The following SACM1L variants were observed in gnomAD, a reference collection of about 807,000 sequenced individuals.
SACM1L encodes phosphatidylinositol-3-phosphatase SAC1.
Under a neutral mutation model 89.5 loss-of-function variants are expected in SACM1L, and 32 were observed. The ratio of observed to expected loss-of-function variants is 0.36; its 90% CI spans 0.27 to 0.48. The LOEUF is 0.48. Among genes scored for constraint, SACM1L ranks in the 20% least tolerant of loss-of-function variants. The pLI is 0.99. For synonymous variants in SACM1L, 213 were observed against 232.8 expected (o/e 0.92, Z 0.77); for missense variants, 543 against 708.5 (o/e 0.77, Z 2.65).
intron 18 of SACM1L, among the ~76,000 whole-genome samples, 186 bp from the exon 19 acceptor site, chr3:45,739,401 C>G (rs1295778940): frequency 1.3e-5 from 2 of 152,146 alleles, no homozygotes; most frequent in Non-Finnish European, 2.9e-5. Flanking sequence ...ACCACATCCC[C>G]CATCTAAAGT....
intron 7 of SACM1L, among the ~76,000 whole-genome samples, chr3:45,718,280 A>G (rs1168175478): frequency 2.4e-5 from 3 of 126,622 alleles, no homozygotes; most frequent in Non-Finnish European, 3.3e-5. Flanking sequence ...CATACAGATT[A>G]ATTCCTGTTA....
rs181178403 is a variant in SACM1L at position 45,744,701 on chromosome 3, G to A, written c.*1032G>A. The A allele has an allele frequency of 6.5e-6, 1 of 152,686 alleles. No individual in the cohort carries two copies. Among genetic ancestry groups the A allele is most frequent in the Non-Finnish European group, 1.5e-5 (1 of 68,024 alleles). 9.5% of individuals were successfully genotyped at this position (152,686 alleles called of 1,614,324 possible). A position where few individuals can be genotyped will look rare whatever the true frequency, so the allele number is the denominator to read the frequency against. ...CTCCAAATCAAGGACCAACTTAAACGTTAATTTTTGTGCAAAAACAAACCT... is the reference window on the plus strand; with the variant it reads ...CTCCAAATCAAGGACCAACTTAAACATTAATTTTTGTGCAAAAACAAACCT... On this transcript the variant is annotated 3_prime_UTR_variant, in exon 20 of 20. Transcript: ENST00000389061.
Position 45,698,461 on chromosome 3 carries a change from C to G in SACM1L, c.33-4977C>G, listed in dbSNP as rs571322909. Among the ~76,000 whole-genome samples the G allele has an allele frequency of 2.4e-4, 36 of 152,330 alleles. 1 individual carries two copies. Among genetic ancestry groups the G allele is most frequent in the Middle Eastern group, 6.8e-3 (2 of 294 alleles). ...CAATTTAGATTCCAACAGCATCTCTCAGAGAGAGAAGATCAAGCAAAGGCC... is the reference window on the plus strand; with the variant it reads ...CAATTTAGATTCCAACAGCATCTCTGAGAGAGAGAAGATCAAGCAAAGGCC... On this transcript the variant is annotated intron_variant, in intron 1 of 19. Coordinates refer to ENST00000389061, the MANE Select transcript of SACM1L (RefSeq NM_014016.5).
chr3:45,714,237 G>GTTTTTTT (rs1435536599), intron 7 of SACM1L, among the ~76,000 whole-genome samples, 158 bp downstream of exon 7: 2 of 18,598 alleles, frequency 1.1e-4, no homozygotes, highest in Admixed American at 8.2e-4. Flanking sequence ...TTGCTATTTT[G>GTTTTTTT]TTTGTTTTTT....
intron 11 of SACM1L, among the ~76,000 whole-genome samples, chr3:45,731,074 C>A (rs944098386): frequency 6.6e-6 from 1 of 152,176 alleles, no homozygotes; most frequent in Non-Finnish European, 1.5e-5. Flanking sequence ...AACTTTCCCA[C>A]CATTTTGAAA....
chr3:45,707,499 A>G (rs1249567960), intron 4 of SACM1L, among the ~76,000 whole-genome samples: 3 of 152,246 alleles, frequency 2.0e-5, no homozygotes, highest in Non-Finnish European at 4.4e-5. Context: ...GCAAAAAAAC[A>G]AAAAGCAACA....
At chr3:45,726,433 T>C (rs929281439) in intron 11 of SACM1L, among the ~76,000 whole-genome samples, 2 of 152,156 alleles carry the variant, frequency 1.3e-5, no homozygotes, top group Non-Finnish European at 2.9e-5. Context: ...TATTTTTTCA[T>C]GATTCAGTTT....
At chr3:45,698,975 A>G (rs950314307) in intron 1 of SACM1L, among the ~76,000 whole-genome samples, 2 of 152,128 alleles carry the variant, frequency 1.3e-5, no homozygotes, top group Non-Finnish European at 2.9e-5. Context: ...GGGTTTCACC[A>G]TGTTGGCCAG....
At chr3:45,696,592 C>T (rs1698133358) in intron 1 of SACM1L, among the ~76,000 whole-genome samples, 1 of 152,210 alleles carries the variant, frequency 6.6e-6, no homozygotes, top group East Asian at 1.9e-4. Flanking sequence ...CCACAAAGCA[C>T]CAGGATTCCA....
At chr3:45,710,300 A>G (rs1221788291) in intron 5 of SACM1L, among the ~76,000 whole-genome samples, 1 of 151,430 alleles carries the variant, frequency 6.6e-6, no homozygotes, top group Non-Finnish European at 1.5e-5. Context: ...TCCTGGGTTC[A>G]AGCAATTCTC....
chr3:45,739,835 G>GT (rs910393001), intron 19 of SACM1L, 191 bp downstream of exon 19: 33 of 608,460 alleles, frequency 5.4e-5, no homozygotes, highest in Non-Finnish European at 6.9e-5. Context: ...GATGGTTGTC[G>GT]TTTTTTTTAA....
chr3:45,738,757 C>T (rs1339703905), intron 17 of SACM1L, 24 bp from the exon 18 acceptor site: 6 of 1,565,780 alleles, frequency 3.8e-6, no homozygotes, highest in Admixed American at 1.7e-5. Flanking sequence ...ACTGAGTTTA[C>T]GAATTTCTTC....
rs537023818 is a variant in SACM1L at position 45,721,446 on chromosome 3, C to T, written c.680-554C>T. On this transcript the variant is annotated intron_variant, in intron 8 of 19. Coordinates refer to ENST00000389061, the MANE Select transcript of SACM1L (RefSeq NM_014016.5). ...CTAAGGCAGGAGAATCGCTTGAACC[C>T]GGGAAGCGGAGGTTGCGTTGAGCTG... Among the ~76,000 whole-genome samples, 10 of 152,322 alleles carry T rather than the reference C, an allele frequency of 6.6e-5. No individual in the cohort carries two copies. In the South Asian group the frequency reaches 1.0e-3, roughly 16 times the overall value.
intron 7 of SACM1L, among the ~76,000 whole-genome samples, chr3:45,714,288 T>C (rs537876297): frequency 6.6e-6 from 1 of 152,014 alleles, no homozygotes; most frequent in African/African-American, 2.4e-5. Flanking sequence ...CGATTCTCTC[T>C]CTGTTCAAGA....
chr3:45,722,113 A>T, intron 9 of SACM1L, 28 bp downstream of exon 9: 2 of 1,388,402 alleles, frequency 1.4e-6, no homozygotes, highest in Non-Finnish European at 1.0e-6. Context: ...TTAGGCAGTC[A>T]GCGAGTTGGC....
chr3:45,689,407 C>G lies in SACM1L; in HGVS notation c.-59C>G. The stretch of plus-strand genomic sequence containing the variant: ...CCAGGGTGACCGGTAGAGTTGTAGC[C>G]GAGGTGGCGGCGCGGGGCGGGGCGG... On this transcript the variant is annotated 5_prime_UTR_variant, in exon 1 of 20. Coordinates refer to ENST00000389061, the MANE Select transcript of SACM1L (RefSeq NM_014016.5). 16 of 1,551,840 alleles carry G rather than the reference C, an allele frequency of 1.0e-5. No individual in the cohort carries two copies. Among genetic ancestry groups the G allele is most frequent in the Non-Finnish European group, 1.3e-5 (15 of 1,147,420 alleles).
At chr3:45,689,603 G>C (rs1697917942) in intron 1 of SACM1L, 106 bp downstream of exon 1, 1 of 1,317,382 alleles carries the variant, frequency 7.6e-7, no homozygotes, top group African/African-American at 1.5e-5. Flanking sequence ...TAGGGTGTGG[G>C]AGCTCCTCGC....
intron 16 of SACM1L, among the ~76,000 whole-genome samples, 193 bp from the exon 17 acceptor site, chr3:45,738,385 G>A (rs1048886059): frequency 6.6e-6 from 1 of 152,016 alleles, no homozygotes; most frequent in African/African-American, 2.4e-5. Context: ...TGCCTCCTTT[G>A]GTAATATTTT....
chr3:45,710,695 G>A (rs1316438460), intron 5 of SACM1L, among the ~76,000 whole-genome samples: 1 of 152,078 alleles, frequency 6.6e-6, no homozygotes, highest in Non-Finnish European at 1.5e-5. Context: ...GTTGGACAAT[G>A]TGAAGTCGCC....
Sources: gnomAD v4.1 joint callset for allele counts (sites outside exome capture counted in the v4.1 genomes callset) on GRCh38, gnomAD v4.1.1 for gene constraint, MANE v1.5 for transcripts, NCBI Gene and HGNC (gene_info 2026-07-23, HGNC 2026-07-21) for gene names.